CCM2: variants seen among roughly 807,000 people sequenced by gnomAD.
CCM2 encodes the protein CCM2 scaffold protein.
A neutral mutation model predicts 44.9 loss-of-function variants in CCM2; 25 were observed. The ratio of observed to expected loss-of-function variants is 0.56; its 90% CI spans 0.41 to 0.78. CCM2 has a LOEUF of 0.78. Ranked by LOEUF, CCM2 falls within the 30% of genes least tolerant of loss-of-function variation. CCM2 has a pLI of 0.00. For synonymous variants in CCM2, 219 were observed against 241.1 expected, an observed-to-expected ratio of 0.91 and a Z score of 0.85; for missense variants, 481 against 580.6, an observed-to-expected ratio of 0.83 and a Z score of 1.76.
chr7:45,017,277 C>G (rs998169813), intron 1 of CCM2, among the ~76,000 whole-genome samples: 2 of 152,222 alleles, frequency 1.3e-5, no homozygotes, highest in Non-Finnish European at 2.9e-5. Context: ...TATTCAGGCC[C>G]CATACCTCAA....
At chr7:45,000,893 C>A (rs1795589950) in intron 1 of CCM2, among the ~76,000 whole-genome samples, 1 of 152,124 alleles carries the variant, frequency 6.6e-6, no homozygotes, top group African/African-American at 2.4e-5. Context: ...ATAGTCAAAC[C>A]CCAGTTTATG....
intron 1 of CCM2, among the ~76,000 whole-genome samples, chr7:45,004,700 T>C (rs1037482161): frequency 1.2e-4 from 18 of 152,182 alleles, no homozygotes; most frequent in Non-Finnish European, 1.0e-4. Flanking sequence ...TTCTATTTTT[T>C]TTTCTTTCTA....
At chr7:45,020,336 CTCTT>C (rs1182631488) in intron 1 of CCM2, among the ~76,000 whole-genome samples, 2 of 152,156 alleles carry the variant, frequency 1.3e-5, no homozygotes, top group African/African-American at 2.4e-5. Flanking sequence ...GTCTACTTCT[CTCTT>C]AAGGGAATAA....
intron 2 of CCM2, among the ~76,000 whole-genome samples, chr7:45,056,745 GA>G (rs1357013788): frequency 6.6e-6 from 1 of 152,176 alleles, no homozygotes; most frequent in Non-Finnish European, 1.5e-5. Flanking sequence ...GATATGATTG[GA>G]AACATTTTCT....
chr7:45,006,315 T>A (rs778906433), intron 1 of CCM2, among the ~76,000 whole-genome samples: 1 of 148,484 alleles, frequency 6.7e-6, no homozygotes, highest in Non-Finnish European at 1.5e-5. Context: ...AGGATGTGAC[T>A]GTATTTGAAG....
intron 1 of CCM2, among the ~76,000 whole-genome samples, chr7:45,029,194 C>G (rs964717956): frequency 1.3e-5 from 2 of 152,084 alleles, no homozygotes; most frequent in Admixed American, 1.3e-4. Flanking sequence ...TTCTACAGCC[C>G]CAGTGTCTGG....
intron 5 of CCM2, 100 bp downstream of exon 5, chr7:45,068,679 C>T (rs907156998): frequency 1.4e-6 from 2 of 1,473,280 alleles, no homozygotes; most frequent in Non-Finnish European, 1.9e-6. Context: ...CTGGGCACTG[C>T]TGGGTGCCCC....
At chr7:45,006,470 A>G (rs907401382) in intron 1 of CCM2, among the ~76,000 whole-genome samples, 5 of 151,936 alleles carry the variant, frequency 3.3e-5, no homozygotes, top group African/African-American at 1.2e-4. Flanking sequence ...CGGCCTCCTG[A>G]GTAGCTAGGA....
intron 1 of CCM2, among the ~76,000 whole-genome samples, chr7:45,004,153 A>G (rs917603857): frequency 2.0e-5 from 3 of 152,202 alleles, no homozygotes; most frequent in Admixed American, 2.0e-4. Context: ...CCTGAGTGAC[A>G]GCAAGACCCT....
chr7:45,047,930 C>T (rs1207905736), intron 2 of CCM2, among the ~76,000 whole-genome samples: 1 of 152,080 alleles, frequency 6.6e-6, no homozygotes, highest in African/African-American at 2.4e-5. Context: ...AAAGAAATTG[C>T]AATTTGACTA....
intron 1 of CCM2, among the ~76,000 whole-genome samples, chr7:45,016,640 CT>C (rs138906479): frequency 9.3e-5 from 12 of 128,528 alleles, no homozygotes; most frequent in Admixed American, 1.6e-4. Context: ...AAACATGCAT[CT>C]TTTTTTTTTG....
chr7:45,043,630 A>C, intron 2 of CCM2: 3 of 270,438 alleles, frequency 1.1e-5, no homozygotes, highest in South Asian at 3.4e-5. Context: ...CTCCATCCCA[A>C]AAAAAAAAAA....
chr7:45,076,457 C>T (rs912531113), downstream of CCM2: 2 of 363,472 alleles, frequency 5.5e-6, no homozygotes, highest in Non-Finnish European at 1.1e-5. Flanking sequence ...AATTTAATCT[C>T]TGGTTGCCAA....
intron 6 of CCM2, chr7:45,070,490 G>A (rs761893986): frequency 6.6e-6 from 3 of 456,138 alleles, no homozygotes; most frequent in East Asian, 6.9e-5. Context: ...GTACCCCAGA[G>A]CTGTCTCTTC....
chr7:45,054,865 A>G (rs985776431), intron 2 of CCM2, among the ~76,000 whole-genome samples: 1 of 152,252 alleles, frequency 6.6e-6, no homozygotes, highest in African/African-American at 2.4e-5. Flanking sequence ...AGGGTTCCCC[A>G]GGGCAGATGG....
intron 2 of CCM2, among the ~76,000 whole-genome samples, chr7:45,051,005 T>G (rs1268734846): frequency 6.6e-6 from 1 of 152,150 alleles, no homozygotes; most frequent in Non-Finnish European, 1.5e-5. Context: ...CACAGCTCGG[T>G]GAAGACAGAA....
chr7:45,074,141 A>G (rs2128752673), intron 8 of CCM2, 129 bp from the exon 9 acceptor site: 1 of 1,547,414 alleles, frequency 6.5e-7, no homozygotes, highest in East Asian at 2.3e-5. Flanking sequence ...CTGATGCCCC[A>G]GCCTGTGCAG....
intron 2 of CCM2, chr7:45,063,079 T>TC (rs1274322099): frequency 2.7e-5 from 3 of 109,898 alleles, no homozygotes; most frequent in African/African-American, 8.5e-5. Flanking sequence ...TTTTCTTTCT[T>TC]TTTTTTTTTT....
intron 4 of CCM2, among the ~76,000 whole-genome samples, chr7:45,067,156 C>G (rs1798819608): frequency 6.6e-6 from 1 of 151,618 alleles, no homozygotes; most frequent in South Asian, 2.1e-4. Context: ...ACCTTGGCCT[C>G]CCAAAGTGCT....
Sources: gnomAD v4.1 joint callset for allele counts (sites outside exome capture counted in the v4.1 genomes callset) on GRCh38, gnomAD v4.1.1 for gene constraint, MANE v1.5 for transcripts, NCBI Gene and HGNC (gene_info 2026-07-23, HGNC 2026-07-21) for gene names.